ASB1: variants seen among roughly 807,000 people sequenced by gnomAD.
ASB1 encodes the protein ankyrin repeat and SOCS box containing 1, also known as ankyrin repeat and SOCS box protein 1.
In ASB1, 18 loss-of-function variants were observed where a neutral mutation model predicts 27.7. The observed-to-expected ratio is 0.65, with a 90% confidence interval of 0.45 to 0.96. The LOEUF (loss-of-function observed/expected upper bound fraction) is 0.96, where lower values mean the gene tolerates loss of function less well. Ranked by LOEUF, ASB1 falls within the 50% of genes least tolerant of loss-of-function variation. The probability of loss-of-function intolerance (pLI) is 0.00; values close to 1 mark genes in which losing one functional copy is unlikely to be tolerated. For synonymous variants in ASB1, 189 were observed against 187.6 expected, an observed-to-expected ratio of 1.01 and a Z score of -0.06; for missense variants, 397 against 451.7, an observed-to-expected ratio of 0.88 and a Z score of 1.10.
chr2:238,444,580 C>G lies in ASB1; in HGVS notation c.733C>G (p.Arg245Gly). The change falls in exon 4 of 5, where the codon CGC (arginine) becomes GGC (glycine). Residue 245 changes from arginine (R) to glycine (G), a missense_variant. Arg to Gly is a moderately radical substitution (Grantham distance 125). Coordinates refer to ENST00000264607, the MANE Select transcript of ASB1 (RefSeq NM_001040445.3). ...SPGCVMDAVL[R>G]HGCEAAFVSL... ...TGGGTGCGTCATGGATGCTGTTCTG[C>G]GCCACGGCTGTGAGGCAGCCTTCGT... is the stretch of plus-strand genomic sequence containing the variant. 6.2e-7 allele frequency: 1 copy of G among 1,614,178 alleles called. No individual in the cohort carries two copies. Among genetic ancestry groups the G allele is most frequent in the South Asian group, 1.1e-5 (1 of 91,080 alleles).
At chr2:238,428,787 C>T (rs1445369798) in intron 1 of ASB1, among the ~76,000 whole-genome samples, 1 of 152,198 alleles carries the variant, frequency 6.6e-6, no homozygotes, top group South Asian at 2.1e-4. Context: ...GGGAAAGATT[C>T]TGAGTCTACT....
At chr2:238,439,705 T>G (rs1352328184) in intron 3 of ASB1, among the ~76,000 whole-genome samples, 1 of 152,174 alleles carries the variant, frequency 6.6e-6, no homozygotes, top group Non-Finnish European at 1.5e-5. Context: ...GTCATGCGTT[T>G]TGGGCAGGAA....
chr2:238,438,355 A>G (rs1471420662), intron 3 of ASB1, among the ~76,000 whole-genome samples: 4 of 151,770 alleles, frequency 2.6e-5, no homozygotes, highest in Non-Finnish European at 5.9e-5. Flanking sequence ...ACCCACCACC[A>G]TGCCCGGCTA....
At chr2:238,442,800 C>G (rs564713010) in intron 3 of ASB1, among the ~76,000 whole-genome samples, 9 of 152,290 alleles carry the variant, frequency 5.9e-5, no homozygotes, top group African/African-American at 2.2e-4. Flanking sequence ...AGTAAAACAT[C>G]TACACCCTCC....
chr2:238,436,334 C>T (rs984367706), intron 3 of ASB1, among the ~76,000 whole-genome samples: 1 of 151,572 alleles, frequency 6.6e-6, no homozygotes, highest in Non-Finnish European at 1.5e-5. Context: ...TAGGCTTTTT[C>T]CTTATTATTT....
chr2:238,435,358 G>A lies in ASB1; in HGVS notation c.192-353G>A, dbSNP rs1027880646. 4.1e-5 allele frequency: 11 copies of A among 268,680 alleles called. No individual in the cohort carries two copies. In the South Asian group the frequency reaches 5.4e-4, roughly 13 times the overall value. The allele number at this position is 268,680 out of a possible 1,614,324, so 16.6% of individuals were successfully genotyped here. On this transcript the variant is annotated intron_variant, in intron 2 of 4. Transcript: ENST00000264607. ...GGGGCTCTTACCCAGACTCCCGGGCGAGTGCGCTGTTCATTTGGCACTGCC... is the reference window on the plus strand; with the variant it reads ...GGGGCTCTTACCCAGACTCCCGGGCAAGTGCGCTGTTCATTTGGCACTGCC...
Position 238,427,108 on chromosome 2 carries a change from C to T in ASB1, c.38C>T (p.Pro13Leu). 3.2e-6 allele frequency: 4 copies of T among 1,256,658 alleles called. No individual in the cohort carries two copies. Among genetic ancestry groups the T allele is most frequent in the Middle Eastern group, 3.0e-4 (1 of 3,382 alleles). 77.8% of individuals were successfully genotyped at this position (1,256,658 alleles called of 1,614,324 possible). A position where few individuals can be genotyped will look rare whatever the true frequency, so the allele number is the denominator to read the frequency against. Reference protein sequence around the residue: ...EGGSPDGRAGPGSAGRNLKEW... With the variant: ...EGGSPDGRAGLGSAGRNLKEW... ...GGCAGCCCAGACGGGCGGGCAGGGC[C>T]GGGCTCCGCAGGTAACGTGCGCGCG... Residue 13 changes from proline to leucine, a missense_variant, in exon 1 of 5, where the codon CCG becomes CTG. Coordinates refer to ENST00000264607, the MANE Select transcript of ASB1 (RefSeq NM_001040445.3).
chr2:238,433,315 A>G (rs563217950), intron 1 of ASB1: 2 of 435,376 alleles, frequency 4.6e-6, no homozygotes, highest in South Asian at 3.7e-5. Flanking sequence ...TTTTACAGAC[A>G]GGGTATTGCT....
chr2:238,446,315 C>A, intron 4 of ASB1, 69 bp from the exon 5 acceptor site: 4 of 1,511,032 alleles, frequency 2.6e-6, no homozygotes, highest in Non-Finnish European at 3.5e-6. Flanking sequence ...GTCCCAGCTG[C>A]CTTTTCTCTC....
In ASB1 at chr2:238,444,728, G is replaced by A. The variant is rs1393710895; in HGVS notation, c.880+1G>A. Reference sequence around the variant, plus strand: ...TTGCAGGTCTTTAAAGAGGCCAGAAGTAAGTGGCTTGAGTTCAGCTCTGAC... The same window carrying A: ...TTGCAGGTCTTTAAAGAGGCCAGAAATAAGTGGCTTGAGTTCAGCTCTGAC... On this transcript the variant is annotated splice_donor_variant, in intron 4 of 4. Coordinates refer to ENST00000264607, the MANE Select transcript of ASB1 (RefSeq NM_001040445.3). LOFTEE classifies it high-confidence loss of function. The A allele has an allele frequency of 1.9e-6, 3 of 1,602,664 alleles. No individual in the cohort carries two copies. The highest frequency in any genetic ancestry group is 1.1e-5 in the South Asian group (1 of 89,940).
chr2:238,428,869 T>C (rs1284885462), intron 1 of ASB1, among the ~76,000 whole-genome samples: 2 of 152,228 alleles, frequency 1.3e-5, no homozygotes, highest in African/African-American at 4.8e-5. Flanking sequence ...GCAAAAGTCC[T>C]GTGGCCGCCA....
At position 238,440,958 on chromosome 2, in the gene ASB1, C is replaced by T. The variant is rs555314764; in HGVS notation, c.495-3384C>T. On this transcript the variant is annotated intron_variant, in intron 3 of 4. Coordinates refer to ENST00000264607, the MANE Select transcript of ASB1 (RefSeq NM_001040445.3). The stretch of plus-strand genomic sequence containing the variant: ...GGAGAGCTGTGTGACGCTGCCCTGC[C>T]GACAAGCTGTGCGTCCTGGCCTGGG... 1.8e-3 allele frequency among the ~76,000 whole-genome samples: 275 copies of T among 152,232 alleles called. 2 individuals carry two copies. The highest frequency in any genetic ancestry group is 6.2e-3 in the African/African-American group (258 of 41,518).
At chr2:238,439,696 T>C (rs1333160321) in intron 3 of ASB1, among the ~76,000 whole-genome samples, 1 of 152,200 alleles carries the variant, frequency 6.6e-6, no homozygotes, top group African/African-American at 2.4e-5. Context: ...TAGAGTCATG[T>C]CATGCGTTTT....
chr2:238,443,675 C>G (rs1702121289), intron 3 of ASB1, among the ~76,000 whole-genome samples: 1 of 151,756 alleles, frequency 6.6e-6, no homozygotes. Flanking sequence ...AAAGAAAAGC[C>G]ATCACTTTCT....
intron 3 of ASB1, among the ~76,000 whole-genome samples, chr2:238,437,198 T>C (rs1701988774): frequency 6.6e-6 from 1 of 152,188 alleles, no homozygotes; most frequent in Non-Finnish European, 1.5e-5. Context: ...TGTTTTTTTC[T>C]TTCCTCTTCC....
rs949486218 is a variant in ASB1, at chr2:238,427,025, G to A, written c.-46G>A. ...TCGCGGGTCGTTCTGCTTCCTGCCC[G>A]AGGGGCGTGCGCGGGTCAGGGGCGG... On this transcript the variant is annotated 5_prime_UTR_variant, in exon 1 of 5. Coordinates refer to ENST00000264607, the MANE Select transcript of ASB1 (RefSeq NM_001040445.3). 1 of 1,235,582 alleles carries A rather than the reference G, an allele frequency of 8.1e-7. No homozygotes were observed. The highest frequency in any genetic ancestry group is 3.5e-5 in the South Asian group (1 of 28,618). The allele number at this position is 1,235,582 out of a possible 1,614,324, so 76.5% of individuals were successfully genotyped here.
chr2:238,428,298 CT>C (rs1306822294), intron 1 of ASB1, among the ~76,000 whole-genome samples: 2 of 151,474 alleles, frequency 1.3e-5, no homozygotes, highest in Admixed American at 1.3e-4. Flanking sequence ...CACAGGTCTC[CT>C]TTTTTTTTGA....
chr2:238,431,079 T>C (rs1701863810), intron 1 of ASB1, among the ~76,000 whole-genome samples: 1 of 152,290 alleles, frequency 6.6e-6, no homozygotes, highest in Non-Finnish European at 1.5e-5. Flanking sequence ...TGCCTTCTCC[T>C]CTCTAGCTAT....
At chr2:238,433,744 CTG>C in intron 2 of ASB1, 49 bp downstream of exon 2, 2 of 1,597,676 alleles carry the variant, frequency 1.3e-6, no homozygotes, top group Non-Finnish European at 1.7e-6. Flanking sequence ...CCCTGAAGGT[CTG>C]TGTGAAGCTG....
Sources: allele counts gnomAD v4.1 joint callset (sites outside exome capture counted in the v4.1 genomes callset), GRCh38; gene constraint gnomAD v4.1.1; transcripts MANE v1.5; gene names NCBI Gene and HGNC (gene_info 2026-07-23, HGNC 2026-07-21).